Variants in TMEM165 observed in about 807,000 individuals in gnomAD.
TMEM165 encodes the protein transmembrane protein 165, also known as putative divalent cation/proton antiporter TMEM165.
Under a neutral mutation model 30.0 loss-of-function variants are expected in TMEM165, and 19 were observed. The ratio of observed to expected loss-of-function variants is 0.63; its 90% CI spans 0.44 to 0.93. The LOEUF is 0.93. Among genes scored for constraint, TMEM165 ranks in the 40% least tolerant of loss-of-function variants. TMEM165 has a pLI of 0.00. For synonymous variants in TMEM165, 168 were observed against 162.9 expected (o/e 1.03, Z -0.24); for missense variants, 340 against 417.0 (o/e 0.82, Z 1.61).
intron 4 of TMEM165, 52 bp downstream of exon 4, chr4:55,418,037 C>T: frequency 1.3e-6 from 2 of 1,518,706 alleles, no homozygotes; most frequent in East Asian, 4.6e-5. Flanking sequence ...ATTATTATTA[C>T]TTTGTTCCAG....
rs1377023704 is a variant in TMEM165, at chr4:55,396,499, G to A, written c.207+103G>A. ...CCGCACTCCGCCGGCCTCGGCTGGG[G>A]GAGGGGAGCCCGGCCCCTGCTCCCG... On this transcript the variant is annotated intron_variant, in intron 1 of 5. Transcript: ENST00000381334. The A allele has an allele frequency of 4.7e-6, 5 of 1,056,480 alleles. No individual in the cohort carries two copies. In the African/African-American group the frequency reaches 5.1e-5, roughly 11 times the overall value. The allele number at this position is 1,056,480 out of a possible 1,614,324, so 65.4% of individuals were successfully genotyped here.
At chr4:55,442,945 C>A (rs1231916761) in intron 3 of TMEM165, among the ~76,000 whole-genome samples, 1 of 152,018 alleles carries the variant, frequency 6.6e-6, no homozygotes, top group African/African-American at 2.4e-5. Context: ...GGGCATTTTT[C>A]TATTTTTCAT....
In TMEM165 at chr4:55,417,965, A is replaced by G. The variant is rs376381642; in HGVS notation, c.772A>G (p.Ile258Val). 58 of 1,610,668 alleles carry G rather than the reference A, an allele frequency of 3.6e-5. No homozygotes were observed. The highest frequency in any genetic ancestry group is 2.9e-4 in the African/African-American group (22 of 74,868). The change falls in exon 4 of 6, where the codon ATT (isoleucine) becomes GTT (valine). Residue 258 changes from isoleucine to valine, a missense_variant. Coordinates refer to ENST00000381334, the MANE Select transcript of TMEM165 (RefSeq NM_018475.5). ...EWGDRSQLTT[I>V]VLAAREDPYG... is the part of the protein sequence containing the mutation. ...GGGTGATCGCTCTCAACTAACTACAATTGTATTGGCAGCTAGAGAGGTGAG... is the reference window on the plus strand; with the variant it reads ...GGGTGATCGCTCTCAACTAACTACAGTTGTATTGGCAGCTAGAGAGGTGAG...
intron 1 of TMEM165, among the ~76,000 whole-genome samples, chr4:55,402,757 T>C (rs1226437230): frequency 1.2e-4 from 16 of 135,134 alleles, no homozygotes; most frequent in Non-Finnish European, 1.9e-4. Context: ...TAAGTGCATA[T>C]ATATTTTTGG....
At position 55,425,659 on chromosome 4, in the gene TMEM165, T is replaced by A. The variant is rs1722165667; in HGVS notation, c.*207T>A. ...AAGAAACCTGACTTCTAAGTGTGGGTTTTTCTTCTCTCCAACATAATTATG... is the reference window on the plus strand; with the variant it reads ...AAGAAACCTGACTTCTAAGTGTGGGATTTTCTTCTCTCCAACATAATTATG... On this transcript the variant is annotated 3_prime_UTR_variant, in exon 6 of 6. Transcript: ENST00000381334. The A allele has an allele frequency of 2.1e-6, 1 of 483,464 alleles. No homozygotes were observed. The highest frequency in any genetic ancestry group is 2.9e-5 in the South Asian group (1 of 34,958). The allele number at this position is 483,464 out of a possible 1,614,324, so 29.9% of individuals were successfully genotyped here.
downstream of TMEM165, among the ~76,000 whole-genome samples, chr4:55,426,841 A>C (rs1722224195): frequency 6.6e-6 from 1 of 152,010 alleles, no homozygotes; most frequent in African/African-American, 2.4e-5. Context: ...TCTTAAGAGG[A>C]GTTTTCAGCT....
intron 3 of TMEM165, among the ~76,000 whole-genome samples, chr4:55,451,334 C>T (rs1724428743): frequency 6.6e-6 from 1 of 152,204 alleles, no homozygotes; most frequent in African/African-American, 2.4e-5. Flanking sequence ...ATTCACTCCT[C>T]ACTGATACTC....
At position 55,397,343 on chromosome 4, in the gene TMEM165, C is replaced by T. The variant is rs1452186404; in HGVS notation, c.207+947C>T. 2.6e-5 allele frequency: 4 copies of T among 152,366 alleles called. No homozygotes were observed. The South Asian group carries it at 8.3e-4, about 32-fold the overall frequency. 9.4% of individuals were successfully genotyped at this position (152,366 alleles called of 1,614,324 possible). A position where few individuals can be genotyped will look rare whatever the true frequency, so the allele number is the denominator to read the frequency against. On this transcript the variant is annotated intron_variant, in intron 1 of 5. Transcript: ENST00000381334. ...TGTTCAGGTTTCTTCTGATCTGGCTCCAGCTCACCTCCAGGCTTTTTAGCC... is the reference window on the plus strand; with the variant it reads ...TGTTCAGGTTTCTTCTGATCTGGCTTCAGCTCACCTCCAGGCTTTTTAGCC...
At chr4:55,423,854 T>G (rs539810450) in intron 4 of TMEM165, 3 of 152,422 alleles carry the variant, frequency 2.0e-5, no homozygotes, top group Admixed American at 6.5e-5. Flanking sequence ...CCTCATGACC[T>G]CCTTTTGTGA....
At chr4:55,424,452 C>A (rs1722114376) in intron 4 of TMEM165, 86 bp from the exon 5 acceptor site, 2 of 784,824 alleles carry the variant, frequency 2.5e-6, no homozygotes, top group Non-Finnish European at 2.2e-6. Flanking sequence ...TGTTGGCCAC[C>A]ATTTTTAGTG....
At chr4:55,452,925 A>G (rs1166767348) in exon 4 of TMEM165, 2 of 694,974 alleles carry the variant, frequency 2.9e-6, no homozygotes, top group Non-Finnish European at 4.8e-6. Flanking sequence ...GTAGTAAAGT[A>G]TAATCACATC....
At chr4:55,445,069 C>T (rs912266282) in intron 3 of TMEM165, among the ~76,000 whole-genome samples, 1 of 68,046 alleles carries the variant, frequency 1.5e-5, no homozygotes, top group African/African-American at 3.8e-5. Context: ...GGTTCTGGTG[C>T]TTCTTGCTCT....
chr4:55,402,119 C>CAAAAAAAAAAAAAA (rs71194551), intron 1 of TMEM165, among the ~76,000 whole-genome samples: 1 of 107,032 alleles, frequency 9.3e-6, no homozygotes, highest in African/African-American at 4.9e-5. Context: ...ACTCTGTCTC[C>CAAAAAAAAAAAAAA]AAAAAAAAAA....
At chr4:55,407,819 A>G (rs981111642) in intron 1 of TMEM165, among the ~76,000 whole-genome samples, 4 of 152,258 alleles carry the variant, frequency 2.6e-5, no homozygotes, top group Non-Finnish European at 4.4e-5. Flanking sequence ...ACAAAAACTA[A>G]TTGAGCACTT....
At chr4:55,404,606 ATTTTT>A (rs59931550) in intron 1 of TMEM165, among the ~76,000 whole-genome samples, 1,924 of 149,768 alleles carry the variant, frequency 0.013, 46 homozygotes, top group African/African-American at 0.043. Context: ...TATTTATTTT[ATTTTT>A]TTTTTTTGTG....
downstream of TMEM165, chr4:55,429,850 A>T (rs1462555326): frequency 1.3e-5 from 2 of 152,316 alleles, no homozygotes; most frequent in Admixed American, 1.3e-4. Context: ...TGACTTGAGG[A>T]GGGAAGTGCA....
At chr4:55,438,307 G>A in intron 3 of TMEM165, 2 of 1,614,104 alleles carry the variant, frequency 1.2e-6, no homozygotes, top group Non-Finnish European at 1.7e-6. Context: ...CGGTGGCTGG[G>A]TCAGCTGAGC....
chr4:55,420,122 C>T (rs864222), intron 4 of TMEM165, among the ~76,000 whole-genome samples: 29,423 of 52,392 alleles, frequency 0.56, 8,719 homozygotes, highest in East Asian at 0.81. Flanking sequence ...TATATATATA[C>T]ATATATATTT....
intron 1 of TMEM165, among the ~76,000 whole-genome samples, chr4:55,397,652 C>G (rs1019460943): frequency 2.0e-5 from 3 of 151,918 alleles, no homozygotes; most frequent in Non-Finnish European, 4.4e-5. Flanking sequence ...TCTCCTTTCT[C>G]CTTTTTCCTT....
Sources: gnomAD v4.1 joint callset for allele counts (sites outside exome capture counted in the v4.1 genomes callset) on GRCh38, gnomAD v4.1.1 for gene constraint, MANE v1.5 for transcripts, NCBI Gene and HGNC (gene_info 2026-07-23, HGNC 2026-07-21) for gene names.